Variants in ZFAT observed in about 807,000 individuals in gnomAD.
ZFAT encodes zinc finger protein ZFAT.
A neutral mutation model predicts 117.7 loss-of-function variants in ZFAT; 64 were observed. That is an observed-to-expected ratio of 0.54 (90% CI 0.44 to 0.67). The LOEUF (loss-of-function observed/expected upper bound fraction) is 0.67, where lower values mean the gene tolerates loss of function less well. ZFAT is among the 30% of genes least tolerant of loss of function. The pLI is 0.00. For synonymous variants in ZFAT, 679 were observed against 615.0 expected (o/e 1.10, Z -1.54); for missense variants, 1,433 against 1,584.5 (o/e 0.90, Z 1.62).
At chr8:134,503,918 A>G (rs943226701) in intron 15 of ZFAT, among the ~76,000 whole-genome samples, 3 of 148,474 alleles carry the variant, frequency 2.0e-5, no homozygotes, top group Admixed American at 1.4e-4. Flanking sequence ...GAACACAAAC[A>G]CACACACACA....
intron 15 of ZFAT, among the ~76,000 whole-genome samples, chr8:134,500,294 T>G (rs1586591905): frequency 2.0e-5 from 3 of 152,086 alleles, no homozygotes; most frequent in East Asian, 3.9e-4. Context: ...TCAAATAAAG[T>G]GGGATTCTGC....
chr8:134,789,521 A>T, the ZFAT span, among the ~76,000 whole-genome samples: 8 of 152,256 alleles, frequency 5.3e-5, no homozygotes, highest in East Asian at 5.8e-4. Context: ...CAAAAGTCTT[A>T]ATTTTGCCAT....
intron 3 of ZFAT, among the ~76,000 whole-genome samples, chr8:134,622,631 G>A (rs754283109): frequency 1.2e-4 from 18 of 151,968 alleles, no homozygotes; most frequent in Non-Finnish European, 1.8e-4. Context: ...CTTCCACGTC[G>A]CCCCTCCCCC....
chr8:134,830,507 A>T, the ZFAT span, among the ~76,000 whole-genome samples: 2 of 152,238 alleles, frequency 1.3e-5, no homozygotes, highest in Non-Finnish European at 2.9e-5. Context: ...ATACATAATC[A>T]ACAGAAAAAG....
chr8:134,664,031 G>C (rs1404247300), intron 1 of ZFAT, among the ~76,000 whole-genome samples: 1 of 152,148 alleles, frequency 6.6e-6, no homozygotes, highest in African/African-American at 2.4e-5. Context: ...GGGAAGTTAC[G>C]GGAGGAGGCA....
chr8:134,532,807 GC>G (rs1189866316), intron 12 of ZFAT, 26 bp downstream of exon 12: 2 of 1,606,170 alleles, frequency 1.2e-6, no homozygotes, highest in Non-Finnish European at 8.5e-7. Flanking sequence ...AGCGGGCAGG[GC>G]CCCAGCTCGC....
chr8:134,734,718 C>T, the ZFAT span, among the ~76,000 whole-genome samples: 1 of 152,144 alleles, frequency 6.6e-6, no homozygotes, highest in African/African-American at 2.4e-5. Context: ...ACCAGAGGGG[C>T]GGCATTCCTA....
intron 15 of ZFAT, among the ~76,000 whole-genome samples, chr8:134,493,615 A>G (rs771321676): frequency 1.3e-5 from 2 of 152,236 alleles, no homozygotes; most frequent in Non-Finnish European, 2.9e-5. Context: ...TGGTAGAGAG[A>G]GTGCATGGGA....
chr8:134,527,785 C>A (rs1179202326), intron 12 of ZFAT, among the ~76,000 whole-genome samples: 2 of 152,212 alleles, frequency 1.3e-5, no homozygotes, highest in Non-Finnish European at 2.9e-5. Flanking sequence ...TATTATCAGC[C>A]AAGCTGATAT....
chr8:134,613,430 T>A (rs1407525726), intron 3 of ZFAT, among the ~76,000 whole-genome samples: 1 of 152,188 alleles, frequency 6.6e-6, no homozygotes, highest in Non-Finnish European at 1.5e-5. Flanking sequence ...TGGACGTGGG[T>A]GAAGGTCTGG....
At chr8:134,716,761 A>C (rs148073341), upstream of ZFAT, among the ~76,000 whole-genome samples, 1 of 152,266 alleles carries the variant, frequency 6.6e-6, no homozygotes, top group South Asian at 2.1e-4. Context: ...AACATTGTAT[A>C]TGCAAAAATA....
chr8:134,708,655 TA>T (rs904859226), intron 1 of ZFAT, among the ~76,000 whole-genome samples: 1 of 151,682 alleles, frequency 6.6e-6, no homozygotes, highest in South Asian at 2.1e-4. Context: ...TTTTCTCTTT[TA>T]AAAAAAAATT....
chr8:134,681,804 T>C (rs186805749), intron 1 of ZFAT, among the ~76,000 whole-genome samples: 1 of 152,326 alleles, frequency 6.6e-6, no homozygotes, highest in Admixed American at 6.5e-5. Flanking sequence ...ATTAATTTAA[T>C]AAGGGCCAGT....
chr8:134,685,423 T>C (rs1295365798), intron 1 of ZFAT, among the ~76,000 whole-genome samples: 1 of 152,042 alleles, frequency 6.6e-6, no homozygotes, highest in Non-Finnish European at 1.5e-5. Flanking sequence ...AGCGTCATGG[T>C]TAGAGGGACA....
At chr8:134,575,870 G>C (rs1825261534) in intron 10 of ZFAT, among the ~76,000 whole-genome samples, 1 of 152,200 alleles carries the variant, frequency 6.6e-6, no homozygotes, top group Non-Finnish European at 1.5e-5. Flanking sequence ...TTATGCAGTG[G>C]CAAATCGAAC....
chr8:134,812,608 A>G, the ZFAT span, among the ~76,000 whole-genome samples: 1 of 152,082 alleles, frequency 6.6e-6, no homozygotes, highest in Admixed American at 6.6e-5. Context: ...GGTGGCACAT[A>G]CCTGTAATCC....
At chr8:134,701,936 G>A (rs947737408) in intron 1 of ZFAT, among the ~76,000 whole-genome samples, 1 of 152,178 alleles carries the variant, frequency 6.6e-6, no homozygotes, top group African/African-American at 2.4e-5. Flanking sequence ...AGATGTGATT[G>A]GACCATGATG....
chr8:134,525,003 T>C (rs1586642018), intron 12 of ZFAT, among the ~76,000 whole-genome samples: 1 of 152,202 alleles, frequency 6.6e-6, no homozygotes, highest in Non-Finnish European at 1.5e-5. Flanking sequence ...GATGGTGAAG[T>C]AACCCTACTG....
At chr8:134,829,066 T>C in the ZFAT span, among the ~76,000 whole-genome samples, 1 of 152,326 alleles carries the variant, frequency 6.6e-6, no homozygotes, top group East Asian at 1.9e-4. Flanking sequence ...GTGCTTTTGA[T>C]ACTCCACTAA....
Sources: allele counts gnomAD v4.1 joint callset (sites outside exome capture counted in the v4.1 genomes callset), GRCh38; gene constraint gnomAD v4.1.1; transcripts MANE v1.5; gene names NCBI Gene and HGNC (gene_info 2026-07-23, HGNC 2026-07-21).